The following DPP10 variants were observed in gnomAD, a reference collection of about 807,000 sequenced individuals.
The protein encoded by DPP10 is inactive dipeptidyl peptidase 10.
In DPP10, 33 loss-of-function variants were observed where a neutral mutation model predicts 120.9. That is an observed-to-expected ratio of 0.27 (90% confidence interval 0.21 to 0.37). The LOEUF (loss-of-function observed/expected upper bound fraction) is 0.37. Among genes scored for constraint, DPP10 ranks in the 10% least tolerant of loss-of-function variants. DPP10 has a pLI of 1.00. For synonymous variants in DPP10, 337 were observed against 326.1 expected, an observed-to-expected ratio of 1.03 and a Z score of -0.36; for missense variants, 816 against 942.8, an observed-to-expected ratio of 0.87 and a Z score of 1.76.
chr2:114,803,723 A>C (rs1684469680), intron 1 of DPP10, among the ~76,000 whole-genome samples: 1 of 152,186 alleles, frequency 6.6e-6, no homozygotes, highest in African/African-American at 2.4e-5. Context: ...TAAGCAGCAA[A>C]CCATTCAAGA....
intron 7 of DPP10, 93 bp from the exon 8 acceptor site, chr2:115,727,723 C>A: frequency 7.4e-7 from 1 of 1,349,258 alleles, no homozygotes; most frequent in Non-Finnish European, 9.8e-7. Flanking sequence ...AATAATACAA[C>A]ATGGCTATTC....
chr2:114,917,813 G>A (rs139140222), intron 1 of DPP10, among the ~76,000 whole-genome samples: 1 of 151,956 alleles, frequency 6.6e-6, no homozygotes. Flanking sequence ...AACTCAAGAT[G>A]GATTAAAGAC....
At chr2:114,639,492 C>T (rs1196892603) in intron 1 of DPP10, among the ~76,000 whole-genome samples, 1 of 151,730 alleles carries the variant, frequency 6.6e-6, no homozygotes, top group Non-Finnish European at 1.5e-5. Flanking sequence ...ACATTAGAGA[C>T]ACCTAGAGTA....
intron 1 of DPP10, among the ~76,000 whole-genome samples, chr2:114,934,679 C>A (rs984826409): frequency 6.6e-6 from 1 of 151,782 alleles, no homozygotes; most frequent in Non-Finnish European, 1.5e-5. Flanking sequence ...AAGGGCAACC[C>A]GCTCTCCAGG....
intron 1 of DPP10, among the ~76,000 whole-genome samples, chr2:115,193,669 G>T (rs1199336748): frequency 3.3e-5 from 5 of 152,328 alleles, no homozygotes; most frequent in South Asian, 4.1e-4. Context: ...GAATCGGTAA[G>T]ATGGTTCCTT....
chr2:115,690,470 G>C (rs977517302), intron 7 of DPP10, among the ~76,000 whole-genome samples: 2 of 152,136 alleles, frequency 1.3e-5, no homozygotes, highest in African/African-American at 2.4e-5. Context: ...ATCCAGGCTG[G>C]AGTGAGATCT....
chr2:115,431,836 C>A lies in DPP10; in HGVS notation c.272-67674C>A, dbSNP rs529721891. On this transcript the variant is annotated intron_variant, in intron 3 of 25. Coordinates refer to ENST00000410059, the MANE Select transcript of DPP10 (RefSeq NM_020868.6). Reference sequence around the variant, plus strand: ...AGAACAAGCAGGCACTTGCATCTGCCTAAATAGTCATGTGAACTACATTTT... The same window carrying A: ...AGAACAAGCAGGCACTTGCATCTGCATAAATAGTCATGTGAACTACATTTT... Among the ~76,000 whole-genome samples, 6 of 152,176 alleles carry A rather than the reference C, an allele frequency of 3.9e-5. No homozygotes were observed. In the South Asian group the frequency reaches 1.0e-3, roughly 26 times the overall value.
chr2:114,907,967 T>C (rs1412254119), intron 1 of DPP10, among the ~76,000 whole-genome samples: 1 of 152,050 alleles, frequency 6.6e-6, no homozygotes, highest in Admixed American at 6.5e-5. Flanking sequence ...TTTTTTTAAA[T>C]ATAATTTTGG....
intron 1 of DPP10, among the ~76,000 whole-genome samples, chr2:115,103,302 C>T (rs1310186994): frequency 1.3e-5 from 2 of 151,892 alleles, no homozygotes; most frequent in Non-Finnish European, 2.9e-5. Flanking sequence ...ATTCTCCTGC[C>T]TCAGCCTCCA....
intron 5 of DPP10, among the ~76,000 whole-genome samples, chr2:115,545,024 G>A (rs17044656): frequency 0.069 from 10,531 of 151,830 alleles, 612 homozygotes; most frequent in East Asian, 0.24. Flanking sequence ...TATGTCAGAG[G>A]GGATGGTAGA....
At chr2:115,379,147 C>G (rs1042852945) in intron 3 of DPP10, among the ~76,000 whole-genome samples, 6 of 152,108 alleles carry the variant, frequency 3.9e-5, no homozygotes, top group Non-Finnish European at 5.9e-5. Flanking sequence ...CTCCTTGTAC[C>G]TCTGGTAGAA....
chr2:115,779,935 G>A (rs1318061176), intron 15 of DPP10, among the ~76,000 whole-genome samples: 5 of 151,870 alleles, frequency 3.3e-5, no homozygotes, highest in African/African-American at 4.8e-5. Flanking sequence ...GTGATTTTGT[G>A]AACTGTTTCT....
intron 9 of DPP10, among the ~76,000 whole-genome samples, chr2:115,741,742 G>T (rs1430874027): frequency 6.6e-6 from 1 of 152,050 alleles, no homozygotes; most frequent in Non-Finnish European, 1.5e-5. Flanking sequence ...AAAGAAATGG[G>T]ATTTTTTTTT....
At chr2:114,529,728 G>T (rs1385945584) in intron 1 of DPP10, among the ~76,000 whole-genome samples, 2 of 152,080 alleles carry the variant, frequency 1.3e-5, no homozygotes, top group Non-Finnish European at 2.9e-5. Context: ...GGATGTGCAG[G>T]TTTGTTCCAT....
At chr2:115,829,915 T>A (rs1489820670) in intron 21 of DPP10, among the ~76,000 whole-genome samples, 1 of 152,172 alleles carries the variant, frequency 6.6e-6, no homozygotes, top group South Asian at 2.1e-4. Flanking sequence ...TTGAAGACAT[T>A]AAGCAACTTT....
chr2:114,540,288 G>A (rs1265751427), intron 1 of DPP10, among the ~76,000 whole-genome samples: 1 of 152,152 alleles, frequency 6.6e-6, no homozygotes, highest in Non-Finnish European at 1.5e-5. Context: ...CAATGGCATG[G>A]AATATGTATA....
chr2:115,272,778 T>C (rs2105820398), intron 1 of DPP10, among the ~76,000 whole-genome samples: 1 of 152,340 alleles, frequency 6.6e-6, no homozygotes, highest in Non-Finnish European at 1.5e-5. Context: ...CTGGCTCACA[T>C]TGGTGCTCTT....
intron 1 of DPP10, among the ~76,000 whole-genome samples, chr2:114,596,105 C>T (rs1385128401): frequency 6.6e-6 from 1 of 151,768 alleles, no homozygotes; most frequent in Non-Finnish European, 1.5e-5. Flanking sequence ...ATTTTTGGAG[C>T]ACACATTTAA....
At chr2:115,501,533 A>C (rs145546701) in intron 4 of DPP10, among the ~76,000 whole-genome samples, 1 of 152,224 alleles carries the variant, frequency 6.6e-6, no homozygotes, top group East Asian at 1.9e-4. Context: ...CCACAGGGTC[A>C]TATTTAGCAA....
Sources: allele counts gnomAD v4.1 joint callset (sites outside exome capture counted in the v4.1 genomes callset), GRCh38; gene constraint gnomAD v4.1.1; transcripts MANE v1.5; gene names NCBI Gene and HGNC (gene_info 2026-07-23, HGNC 2026-07-21).